The following PNPLA7 variants were observed in gnomAD, a reference collection of about 807,000 sequenced individuals.
PNPLA7 encodes patatin-like phospholipase domain-containing protein 7.
In PNPLA7, 153 loss-of-function variants were observed where a neutral mutation model predicts 161.7. The ratio of observed to expected loss-of-function variants is 0.95; its 90% CI spans 0.83 to 1.08. The LOEUF is 1.08. Among genes scored for constraint, PNPLA7 ranks in the 50% least tolerant of loss-of-function variants. The pLI is 0.00. For synonymous variants in PNPLA7, 809 were observed against 782.1 expected (o/e 1.03, Z -0.57); for missense variants, 1,739 against 1,856.6 (o/e 0.94, Z 1.16).
At position 137,479,097 on chromosome 9, in the gene PNPLA7, A is replaced by G; in HGVS notation, c.2722T>C (p.Cys908Arg). The G allele has an allele frequency of 6.2e-7, 1 of 1,600,290 alleles. No homozygotes were observed. Among genetic ancestry groups the G allele is most frequent in the Non-Finnish European group, 8.5e-7 (1 of 1,174,098 alleles). ...SWCSGHLHLC[C>R]PRRVFSRRSL... ...CTCCTGGAGAAGACGCGGCGCGGGC[A>G]GCAGAGGTGCAGGTGGCCGGAGCAC... The change falls in exon 24 of 35, where the codon TGC (cysteine) becomes CGC (arginine). Residue 908 changes from cysteine (C) to arginine (R), a missense_variant. Transcript: ENST00000406427.
In PNPLA7 at chr9:137,504,035, G is replaced by A. The variant is rs1374012769; in HGVS notation, c.1473+1579C>T. On this transcript the variant is annotated intron_variant, in intron 14 of 34. Transcript: ENST00000406427. ...AAGGAAGAAGAAGAAGGAGGAGGAAGGAAGAAGAAAGAAGAAGGAAGAAGA... is the reference window on the plus strand; with the variant it reads ...AAGGAAGAAGAAGAAGGAGGAGGAAAGAAGAAGAAAGAAGAAGGAAGAAGA... Among the ~76,000 whole-genome samples, 8 of 101,460 alleles carry A rather than the reference G, an allele frequency of 7.9e-5. No homozygotes were observed. In the East Asian group the frequency reaches 2.2e-3, roughly 28 times the overall value. The allele number at this position is 101,460 out of a possible 152,430, so 66.6% of individuals were successfully genotyped here. A position where few individuals can be genotyped will look rare whatever the true frequency, so the allele number is the denominator to read the frequency against.
At chr9:137,533,192 C>T (rs1337076067) in intron 8 of PNPLA7, among the ~76,000 whole-genome samples, 1 of 146,918 alleles carries the variant, frequency 6.8e-6, no homozygotes, top group South Asian at 2.2e-4. Context: ...ACACTCTAGA[C>T]GGGGGCACTC....
In PNPLA7 at chr9:137,486,955, C is replaced by T. The variant is rs1244913745; in HGVS notation, c.2198-2219G>A. 1.3e-5 allele frequency among the ~76,000 whole-genome samples: 2 copies of T among 151,996 alleles called. No individual in the cohort carries two copies. The highest frequency in any genetic ancestry group is 2.9e-5 in the Non-Finnish European group (2 of 67,978). ...CTGACCTCCTCAGGGAGCGCTGCCCCACCACCTGCGTGCCCCTGCCCCTCC... is the reference window on the plus strand; with the variant it reads ...CTGACCTCCTCAGGGAGCGCTGCCCTACCACCTGCGTGCCCCTGCCCCTCC... On this transcript the variant is annotated intron_variant, in intron 20 of 34. Transcript: ENST00000406427. This position sits in a 1 kb window ranked among gnomAD's most constrained non-coding sequence, Gnocchi z 6.0.
chr9:137,462,563 G>A, intron 30 of PNPLA7, 122 bp downstream of exon 30: 2 of 1,435,030 alleles, frequency 1.4e-6, no homozygotes, highest in Non-Finnish European at 1.9e-6. Context: ...GGTGGTGAGG[G>A]GTGGCCCCAG....
intron 8 of PNPLA7, among the ~76,000 whole-genome samples, chr9:137,531,277 A>T (rs144762276): frequency 2.9e-4 from 44 of 152,296 alleles, no homozygotes; most frequent in African/African-American, 1.0e-3. Flanking sequence ...GGAATCAGGG[A>T]GAAAAGCACG....
rs752519901 is a variant in PNPLA7, at chr9:137,467,311, G to A, written c.3039+6C>T. ...GCTCCGGTGAGGGTGATGGGTGCCT[G>A]CTTACCTCGGCCCACTGCTTGGCCC... is the stretch of plus-strand genomic sequence containing the variant. On this transcript the variant is annotated splice_donor_region_variant and intron_variant, in intron 26 of 34. Transcript: ENST00000406427. The surrounding 1 kb of genome is among the most constrained non-coding windows in gnomAD (Gnocchi z 5.1). 2 of 1,610,892 alleles carry A rather than the reference G, an allele frequency of 1.2e-6. No individual in the cohort carries two copies. Among genetic ancestry groups the A allele is most frequent in the South Asian group, 1.1e-5 (1 of 90,646 alleles).
In PNPLA7 at chr9:137,498,196, C is replaced by T. The variant is rs1376639919; in HGVS notation, c.1807G>A (p.Val603Met). 6.2e-6 allele frequency: 10 copies of T among 1,612,664 alleles called. No homozygotes were observed. The highest frequency in any genetic ancestry group is 5.0e-5 in the Admixed American group (3 of 60,012). ...TVVLGVAHTVVKRMSSFVRQI... is the reference protein window; with the variant it reads ...TVVLGVAHTVMKRMSSFVRQI... The stretch of plus-strand genomic sequence containing the variant: ...CGCACGAAGGACGACATCCTCTTCA[C>T]CACAGTGTGCGCCACACCCAGGACG... Residue 603 changes from valine to methionine, a missense_variant, in exon 17 of 35, where the codon GTG becomes ATG. Physicochemically the swap from Val to Met is conservative, Grantham distance 21 (BLOSUM62 1). Transcript: ENST00000406427.
chr9:137,464,613 G>A (rs749436010), intron 26 of PNPLA7, 157 bp from the exon 27 acceptor site: 17 of 688,118 alleles, frequency 2.5e-5, no homozygotes, highest in Non-Finnish European at 4.0e-5. Flanking sequence ...CCTGGCTGGA[G>A]CCTCAGAGTG....
Position 137,515,394 on chromosome 9 carries a change from G to T in PNPLA7, c.1210C>A (p.Pro404Thr). The T allele has an allele frequency of 6.2e-7, 1 of 1,604,756 alleles. No individual in the cohort carries two copies. The highest frequency in any genetic ancestry group is 1.1e-5 in the South Asian group (1 of 89,332). Reference protein sequence around the residue: ...LEKPGAGDPDPSAPQGGPGSA... With the variant: ...LEKPGAGDPDTSAPQGGPGSA... ...GGTTCTTTACCTTGTGGGGCCGAAGGGTCAGGGTCACCTGCCCCGGGCTTC... is the reference window on the plus strand; with the variant it reads ...GGTTCTTTACCTTGTGGGGCCGAAGTGTCAGGGTCACCTGCCCCGGGCTTC... The change falls in exon 12 of 35, where the codon CCT (proline) becomes ACT (threonine). Residue 404 changes from proline (P) to threonine (T), a missense_variant. Coordinates refer to ENST00000406427, the MANE Select transcript of PNPLA7 (RefSeq NM_001098537.3).
chr9:137,492,572 AGGG>A, intron 20 of PNPLA7, among the ~76,000 whole-genome samples: 1 of 7,224 alleles, frequency 1.4e-4, no homozygotes, highest in Non-Finnish European at 2.6e-4. Context: ...GCTCCAGCAC[AGGG>A]CAGGGCCGTG....
At position 137,462,704 on chromosome 9, in the gene PNPLA7, G is replaced by T. The variant is rs1380898454; in HGVS notation, c.3473C>A (p.Pro1158His). The change falls in exon 30 of 35, where the codon CCC (proline) becomes CAC (histidine). Residue 1158 changes from proline to histidine, a missense_variant. By Grantham distance (77) the Pro-to-His change is moderately conservative. Around this residue, in one of 6 missense-constraint regions of PNPLA7, gnomAD observed 703 missense variants for 694.6 expected, o/e 1.01. Transcript: ENST00000406427. ...CCCCACCTTGACTTTCGTGGCCAAG[G>T]GGTTCCAGCGTTTCCACAGCAGCCA... ...GWWLLWKRWN[P>H]LATKVKVLNM... 1.9e-6 allele frequency: 3 copies of T among 1,613,720 alleles called. No homozygotes were observed. Among genetic ancestry groups the T allele is most frequent in the Non-Finnish European group, 2.5e-6 (3 of 1,179,976 alleles).
At chr9:137,474,721 G>C (rs1010441709) in intron 25 of PNPLA7, among the ~76,000 whole-genome samples, 1 of 152,034 alleles carries the variant, frequency 6.6e-6, no homozygotes, top group Non-Finnish European at 1.5e-5. Context: ...ACCATCAGAA[G>C]CTCCAGGAAG....
rs1192498562 is a variant in PNPLA7 at position 137,490,713 on chromosome 9, T to C, written c.2197+2300A>G. Among the ~76,000 whole-genome samples the C allele has an allele frequency of 6.6e-6, 1 of 152,156 alleles. No homozygotes were observed. Among genetic ancestry groups the C allele is most frequent in the African/African-American group, 2.4e-5 (1 of 41,418 alleles). On this transcript the variant is annotated intron_variant, in intron 20 of 34. Coordinates refer to ENST00000406427, the MANE Select transcript of PNPLA7 (RefSeq NM_001098537.3). This position sits in a 1 kb window ranked among gnomAD's most constrained non-coding sequence, Gnocchi z 4.1. ...AAGGAGACGAGCCCAGAAGGAAACCTGAGATGCCGCAAATGAAAGAAGAGC... is the reference window on the plus strand; with the variant it reads ...AAGGAGACGAGCCCAGAAGGAAACCCGAGATGCCGCAAATGAAAGAAGAGC...
chr9:137,500,747 G>A lies in PNPLA7; in HGVS notation c.1701C>T (p.Thr567=), dbSNP rs748636816. The A allele has an allele frequency of 2.0e-5, 33 of 1,612,362 alleles. No individual in the cohort carries two copies. The highest frequency in any genetic ancestry group is 1.6e-4 in the Middle Eastern group (1 of 6,082). ...AGCTGCAGTCCCTGTTGGCCTTGAC[G>A]GTGAAGATGAGAGGCTCCCCGGTGA... ...AVLTGEPLIF[T]VKANRDCSFL... is the part of the protein sequence containing the mutation. Residue 567 remains threonine, a synonymous_variant, in exon 16 of 35, where the codon ACC becomes ACT. Coordinates refer to ENST00000406427, the MANE Select transcript of PNPLA7 (RefSeq NM_001098537.3). This position sits in a 1 kb window ranked among gnomAD's most constrained non-coding sequence, Gnocchi z 5.5.
chr9:137,504,937 C>A (rs1833831311), intron 14 of PNPLA7, among the ~76,000 whole-genome samples: 1 of 152,048 alleles, frequency 6.6e-6, no homozygotes, highest in Middle Eastern at 3.2e-3. Flanking sequence ...GCCTGTAATC[C>A]CAACACTCTG....
chr9:137,540,560 C>A lies in PNPLA7; in HGVS notation c.747+82G>T, dbSNP rs1162501729. On this transcript the variant is annotated intron_variant, in intron 8 of 34. Coordinates refer to ENST00000406427, the MANE Select transcript of PNPLA7 (RefSeq NM_001098537.3). This position sits in a 1 kb window ranked among gnomAD's most constrained non-coding sequence, Gnocchi z 5.1. ...TGGAGAACTGGCCTTTAACCACTAC[C>A]AGCTGTCCAGACAAGACAGAAAAAC... The A allele has an allele frequency of 1.6e-6, 2 of 1,263,950 alleles. No individual in the cohort carries two copies. The highest frequency in any genetic ancestry group is 2.2e-6 in the Non-Finnish European group (2 of 897,134). 78.3% of individuals were successfully genotyped at this position (1,263,950 alleles called of 1,614,324 possible). A position where few individuals can be genotyped will look rare whatever the true frequency, so the allele number is the denominator to read the frequency against.
intron 12 of PNPLA7, chr9:137,509,932 AT>A (rs1341395239): frequency 3.1e-6 from 1 of 327,794 alleles, no homozygotes; most frequent in African/African-American, 2.2e-5. Flanking sequence ...TTATCCCAAT[AT>A]TATAATAATC....
chr9:137,487,940 C>T (rs1016535847), intron 20 of PNPLA7, among the ~76,000 whole-genome samples: 5 of 152,186 alleles, frequency 3.3e-5, no homozygotes, highest in African/African-American at 1.2e-4. Flanking sequence ...CTTGGCCACA[C>T]GGGAGGAGCG....
chr9:137,477,840 A>C (rs900266205), intron 25 of PNPLA7, among the ~76,000 whole-genome samples, 194 bp downstream of exon 25: 1 of 152,144 alleles, frequency 6.6e-6, no homozygotes, highest in South Asian at 2.1e-4. Context: ...CAGTGGGCAC[A>C]CCGCATGTGC....
Sources: gnomAD v4.1 joint callset for allele counts (sites outside exome capture counted in the v4.1 genomes callset) on GRCh38, gnomAD v4.1.1 for gene constraint, gnomAD v4.1.1 regional missense constraint, Gnocchi (gnomAD v3.1) non-coding constraint, MANE v1.5 for transcripts, NCBI Gene and HGNC (gene_info 2026-07-23, HGNC 2026-07-21) for gene names.